Variants in ANKRD44 observed in about 807,000 individuals in gnomAD.
ANKRD44 encodes serine/threonine-protein phosphatase 6 regulatory ankyrin repeat subunit B.
Under a neutral mutation model 116.0 loss-of-function variants are expected in ANKRD44, and 35 were observed. That is an observed-to-expected ratio of 0.30 (90% CI 0.23 to 0.40). The LOEUF (loss-of-function observed/expected upper bound fraction) is 0.40, where lower values mean the gene tolerates loss of function less well. ANKRD44 is among the 10% of genes least tolerant of loss of function. The probability of loss-of-function intolerance (pLI) is 1.00; values close to 1 mark genes in which losing one functional copy is unlikely to be tolerated. For synonymous variants in ANKRD44, 435 were observed against 461.8 expected, an observed-to-expected ratio of 0.94 and a Z score of 0.74; for missense variants, 1,014 against 1,242.6, an observed-to-expected ratio of 0.82 and a Z score of 2.77.
intron 16 of ANKRD44, among the ~76,000 whole-genome samples, chr2:197,039,147 C>A (rs1381096658): frequency 6.6e-6 from 1 of 152,164 alleles, no homozygotes; most frequent in African/African-American, 2.4e-5. Flanking sequence ...CAATACTTTC[C>A]TATAACTGAA....
intron 1 of ANKRD44, among the ~76,000 whole-genome samples, chr2:197,228,494 T>G (rs2081773838): frequency 6.6e-6 from 1 of 152,160 alleles, no homozygotes; most frequent in Admixed American, 6.5e-5. Flanking sequence ...TGACTTTGAG[T>G]AAGATCAGGT....
Position 197,008,940 on chromosome 2 carries a change from T to A in ANKRD44, c.2012+4A>T. 6.2e-7 allele frequency: 1 copy of A among 1,613,996 alleles called. No individual in the cohort carries two copies. Among genetic ancestry groups the A allele is most frequent in the Non-Finnish European group, 8.5e-7 (1 of 1,179,884 alleles). On this transcript the variant is annotated splice_donor_region_variant and intron_variant, in intron 19 of 27. Transcript: ENST00000282272. ...AACCCAAGGCCACGTGTGAGCGCAC[T>A]TACTGTCCTTTGGCATCTTTCACAT...
At chr2:197,080,545 C>T (rs1400477936) in intron 15 of ANKRD44, among the ~76,000 whole-genome samples, 6 of 152,162 alleles carry the variant, frequency 3.9e-5, no homozygotes, top group East Asian at 1.9e-4. Context: ...TAAAAGGAAG[C>T]GTTTGCTGCA....
At chr2:196,991,396 T>C (rs2075913293) in intron 27 of ANKRD44, among the ~76,000 whole-genome samples, 2 of 152,182 alleles carry the variant, frequency 1.3e-5, no homozygotes, top group African/African-American at 4.8e-5. Context: ...GTGTGTCCAA[T>C]TAGAAAAGAT....
At chr2:196,997,051 A>T (rs1332448634) in intron 25 of ANKRD44, among the ~76,000 whole-genome samples, 1 of 152,178 alleles carries the variant, frequency 6.6e-6, no homozygotes, top group Admixed American at 6.5e-5. Context: ...AAATTCGAAA[A>T]TCTGAAATAA....
At chr2:197,211,433 C>T (rs1176371767) in intron 1 of ANKRD44, among the ~76,000 whole-genome samples, 1 of 152,226 alleles carries the variant, frequency 6.6e-6, no homozygotes, top group African/African-American at 2.4e-5. Flanking sequence ...CAACCAGGTA[C>T]TTCCACCAAA....
intron 9 of ANKRD44, 58 bp from the exon 10 acceptor site, chr2:197,099,988 T>G: frequency 6.8e-7 from 1 of 1,475,998 alleles, no homozygotes; most frequent in South Asian, 1.1e-5. Context: ...TCAGGTCCTA[T>G]GTTCTCTGCT....
chr2:196,972,872 A>G (rs1350697723), intron 21 of ANKRD44, among the ~76,000 whole-genome samples: 2 of 152,230 alleles, frequency 1.3e-5, no homozygotes, highest in East Asian at 3.8e-4. Context: ...ATGGATATTG[A>G]AATCTTACCA....
intron 8 of ANKRD44, among the ~76,000 whole-genome samples, chr2:197,120,903 A>G (rs1330187379): frequency 6.7e-6 from 1 of 150,284 alleles, no homozygotes; most frequent in Non-Finnish European, 1.5e-5. Flanking sequence ...AGCTGATACC[A>G]CCACTCCTGA....
chr2:197,070,919 C>T (rs567315056), intron 16 of ANKRD44, among the ~76,000 whole-genome samples: 1 of 152,100 alleles, frequency 6.6e-6, no homozygotes, highest in Admixed American at 6.6e-5. Context: ...AGTTAAAGGG[C>T]TATTCAAATG....
At chr2:196,995,271 C>A (rs563576930) in intron 26 of ANKRD44, 108 bp downstream of exon 26, 36 of 659,544 alleles carry the variant, frequency 5.5e-5, no homozygotes, top group Non-Finnish European at 8.1e-5. Context: ...CTGCATCTTT[C>A]ACCACTGTGC....
chr2:197,298,224 T>C (rs1022790786), intron 1 of ANKRD44, among the ~76,000 whole-genome samples: 3 of 152,228 alleles, frequency 2.0e-5, no homozygotes, highest in South Asian at 2.1e-4. Flanking sequence ...ATTAAAAGCA[T>C]AGTTTAAAAG....
intron 16 of ANKRD44, among the ~76,000 whole-genome samples, chr2:197,039,691 G>C (rs910606829): frequency 1.7e-4 from 2 of 11,820 alleles, no homozygotes; most frequent in African/African-American, 5.1e-4. Context: ...GTGTGTGTGT[G>C]TGTGTGTGTG....
At chr2:197,112,537 G>A (rs573302031) in intron 8 of ANKRD44, among the ~76,000 whole-genome samples, 18 of 151,928 alleles carry the variant, frequency 1.2e-4, no homozygotes, top group South Asian at 6.2e-4. Flanking sequence ...GTGAAACCCC[G>A]TCTCTACTAA....
chr2:197,159,346 A>G (rs957900916), intron 2 of ANKRD44, among the ~76,000 whole-genome samples: 2 of 152,210 alleles, frequency 1.3e-5, no homozygotes, highest in Admixed American at 6.5e-5. Context: ...AGCACAAGAC[A>G]CTAAGATGTT....
At chr2:196,996,871 T>A (rs2076021878) in intron 25 of ANKRD44, among the ~76,000 whole-genome samples, 1 of 123,460 alleles carries the variant, frequency 8.1e-6, no homozygotes, top group African/African-American at 3.1e-5. Flanking sequence ...GCCACTGCAC[T>A]CCAGCCTGGG....
At chr2:197,109,973 G>A (rs1197205195) in intron 9 of ANKRD44, among the ~76,000 whole-genome samples, 1 of 115,448 alleles carries the variant, frequency 8.7e-6, no homozygotes, top group Non-Finnish European at 1.9e-5. Context: ...TCTCTGTCAA[G>A]CCTGTGAATT....
At chr2:197,148,002 G>A (rs1228296199) in intron 2 of ANKRD44, 1 of 360,530 alleles carries the variant, frequency 2.8e-6, no homozygotes, top group East Asian at 8.3e-5. Context: ...TGTATCTTTG[G>A]CAAGGCATTG....
At chr2:197,167,183 C>T (rs759263001) in intron 2 of ANKRD44, among the ~76,000 whole-genome samples, 1 of 151,658 alleles carries the variant, frequency 6.6e-6, no homozygotes, top group Non-Finnish European at 1.5e-5. Flanking sequence ...AGAAATAAGA[C>T]ATTTGCCTTT....
Sources: gnomAD v4.1 joint callset for allele counts (sites outside exome capture counted in the v4.1 genomes callset) on GRCh38, gnomAD v4.1.1 for gene constraint, MANE v1.5 for transcripts, NCBI Gene and HGNC (gene_info 2026-07-23, HGNC 2026-07-21) for gene names.